ZBTB26: variants seen among roughly 807,000 people sequenced by gnomAD.
ZBTB26 encodes the protein zinc finger and BTB domain containing 26.
In ZBTB26, 12 loss-of-function variants were observed where a neutral mutation model predicts 31.6. That is an observed-to-expected ratio of 0.38 (90% CI 0.24 to 0.61). The LOEUF is 0.61. ZBTB26 is among the 20% of genes least tolerant of loss of function. The pLI is 0.60. For missense variants in ZBTB26, 311 were observed against 521.9 expected (o/e 0.60, Z 3.94); for synonymous variants, 155 against 182.9 (o/e 0.85, Z 1.23).
At chr9:122,922,781 A>C (rs888094792) in intron 1 of ZBTB26, among the ~76,000 whole-genome samples, 2 of 152,256 alleles carry the variant, frequency 1.3e-5, no homozygotes, top group African/African-American at 2.4e-5. Flanking sequence ...AGACGAAAGG[A>C]AAAATAACAA....
chr9:122,919,619 C>T lies in ZBTB26; in HGVS notation c.316G>A (p.Ala106Thr), dbSNP rs1049129502. The change falls in exon 2 of 2, where the codon GCT becomes ACT. Residue 106 changes from alanine (A) to threonine (T), a missense_variant. Physicochemically the swap from Ala to Thr is moderately conservative, Grantham distance 58 (BLOSUM62 0). Transcript: ENST00000373656. This position sits in a 1 kb window ranked among gnomAD's most constrained non-coding sequence, Gnocchi z 6.1. The part of the protein sequence containing the change: ...PEMELVNYLT[A>T]ASFLQMSHIV... ...TGGCTCATCTGAAGAAAACTTGCAG[C>T]AGTCAAGTAATTTACCAGTTCCATC... is the stretch of plus-strand genomic sequence containing the variant. 1.2e-6 allele frequency: 2 copies of T among 1,614,080 alleles called. No homozygotes were observed. Among genetic ancestry groups the T allele is most frequent in the South Asian group, 1.1e-5 (1 of 91,080 alleles).
At chr9:122,920,623 A>G (rs796732496) in intron 1 of ZBTB26, among the ~76,000 whole-genome samples, 3 of 152,366 alleles carry the variant, frequency 2.0e-5, no homozygotes, top group African/African-American at 7.2e-5. Flanking sequence ...AAAGTCACAG[A>G]ACTAACGGGA....
At chr9:122,925,649 A>C (rs911386845) in intron 1 of ZBTB26, among the ~76,000 whole-genome samples, 2 of 151,818 alleles carry the variant, frequency 1.3e-5, no homozygotes, top group Non-Finnish European at 1.5e-5. Context: ...CCCAGGCTGG[A>C]GTGCAATGGC....
chr9:122,930,169 T>G (rs1301088723), intron 1 of ZBTB26, among the ~76,000 whole-genome samples: 1 of 152,204 alleles, frequency 6.6e-6, no homozygotes, highest in Non-Finnish European at 1.5e-5. Flanking sequence ...GCTGGACAGC[T>G]CTATGTGTCT....
chr9:122,918,033 G>A lies in ZBTB26; in HGVS notation c.*576C>T, dbSNP rs1428389431. On this transcript the variant is annotated 3_prime_UTR_variant, in exon 2 of 2. Coordinates refer to ENST00000373656, the MANE Select transcript of ZBTB26 (RefSeq NM_020924.4). The stretch of plus-strand genomic sequence containing the variant: ...TGAGATGAAGTTGGGCTATGATACT[G>A]TTGAAAAGAGTACATAACAAACCAG... 2.0e-5 allele frequency: 3 copies of A among 153,722 alleles called. No individual in the cohort carries two copies. Among genetic ancestry groups the A allele is most frequent in the African/African-American group, 7.2e-5 (3 of 41,430 alleles). 9.5% of individuals were successfully genotyped at this position (153,722 alleles called of 1,614,324 possible). A position where few individuals can be genotyped will look rare whatever the true frequency, so the allele number is the denominator to read the frequency against.
intron 1 of ZBTB26, among the ~76,000 whole-genome samples, chr9:122,926,376 G>A (rs955488797): frequency 5.3e-5 from 8 of 151,880 alleles, no homozygotes; most frequent in Middle Eastern, 3.2e-3. Flanking sequence ...GAGTGGTGGC[G>A]GGCACCTGTA....
Position 122,918,549 on chromosome 9 carries a change from A to G in ZBTB26, c.*60T>C. On this transcript the variant is annotated 3_prime_UTR_variant, in exon 2 of 2. Coordinates refer to ENST00000373656, the MANE Select transcript of ZBTB26 (RefSeq NM_020924.4). Reference sequence around the variant, plus strand: ...GTCAAACTAGCAAAATCACTCCTAAAAAGACTAAGACTATTGCCACATTGT... The same window carrying G: ...GTCAAACTAGCAAAATCACTCCTAAGAAGACTAAGACTATTGCCACATTGT... 1 of 1,550,186 alleles carries G rather than the reference A, an allele frequency of 6.5e-7. No individual in the cohort carries two copies. The highest frequency in any genetic ancestry group is 8.7e-7 in the Non-Finnish European group (1 of 1,152,696).
chr9:122,923,183 CAAAAAAAAAAAAG>C (rs1284180517), intron 1 of ZBTB26, among the ~76,000 whole-genome samples: 1 of 116,402 alleles, frequency 8.6e-6, no homozygotes, highest in East Asian at 3.0e-4. Flanking sequence ...GACTCCATCT[CAAAAAAAAAAAAG>C]AAAAAAAAAA....
At chr9:122,926,319 G>A (rs1003705852) in intron 1 of ZBTB26, among the ~76,000 whole-genome samples, 9 of 151,972 alleles carry the variant, frequency 5.9e-5, no homozygotes, top group East Asian at 3.9e-4. Context: ...TCGAGACCAC[G>A]GTGAAACCCC....
chr9:122,919,301 G>A lies in ZBTB26; in HGVS notation c.634C>T (p.His212Tyr). The change falls in exon 2 of 2, where the codon CAT becomes TAT. Residue 212 changes from histidine to tyrosine, a missense_variant. By Grantham distance (83) the His-to-Tyr change is moderately conservative (BLOSUM62 2). Coordinates refer to ENST00000373656, the MANE Select transcript of ZBTB26 (RefSeq NM_020924.4). This position sits in a 1 kb window ranked among gnomAD's most constrained non-coding sequence, Gnocchi z 6.1. ...QFISSEPTALHSSEPQHSLIN... is the reference protein window; with the variant it reads ...QFISSEPTALYSSEPQHSLIN... ...AGGGAGTGCTGGGGCTCTGATGAAT[G>A]TAAAGCAGTGGGTTCAGAAGAAATA... 6.2e-7 allele frequency: 1 copy of A among 1,614,186 alleles called. No individual in the cohort carries two copies. The highest frequency in any genetic ancestry group is 8.5e-7 in the Non-Finnish European group (1 of 1,180,032).
Position 122,925,562 on chromosome 9 carries a change from C to T in ZBTB26, c.-10-5618G>A, listed in dbSNP as rs115226227. Among the ~76,000 whole-genome samples, 221 of 152,070 alleles carry T rather than the reference C, an allele frequency of 1.5e-3. 2 individuals are homozygous for T. The highest frequency in any genetic ancestry group is 4.8e-3 in the African/African-American group (201 of 41,494). ...ACTGGTGGTTTACACTGCATGATGC[C>T]AAAATCCAGGTATGAAACAACTAAT... On this transcript the variant is annotated intron_variant, in intron 1 of 1. Transcript: ENST00000373656.
chr9:122,920,182 T>C (rs1039901980), intron 1 of ZBTB26, among the ~76,000 whole-genome samples: 3 of 152,218 alleles, frequency 2.0e-5, no homozygotes, highest in Admixed American at 2.0e-4. Context: ...TGTAAATAGC[T>C]TGGCATTCGT....
At chr9:122,929,210 T>G (rs1365671784) in intron 1 of ZBTB26, among the ~76,000 whole-genome samples, 2 of 152,158 alleles carry the variant, frequency 1.3e-5, no homozygotes, top group African/African-American at 4.8e-5. Flanking sequence ...TGATTACAGA[T>G]GGTAAGTGAT....
rs1165026034 is a variant in ZBTB26, at chr9:122,931,442, C to T, written c.-16G>A. The T allele has an allele frequency of 6.6e-6, 1 of 152,642 alleles. No individual in the cohort carries two copies. The highest frequency in any genetic ancestry group is 1.9e-4 in the East Asian group (1 of 5,186). The allele number at this position is 152,642 out of a possible 1,614,324, so 9.5% of individuals were successfully genotyped here. The stretch of plus-strand genomic sequence containing the variant: ...CCGGCCGTCTCCGCACTTACAGACC[C>T]GGGGGAAGGCCGCCGTCAGGATCCG... On this transcript the variant is annotated 5_prime_UTR_variant, in exon 1 of 2. Transcript: ENST00000373656.
chr9:122,925,133 G>A (rs1312031598), intron 1 of ZBTB26, among the ~76,000 whole-genome samples: 3 of 152,000 alleles, frequency 2.0e-5, no homozygotes, highest in Non-Finnish European at 2.9e-5. Flanking sequence ...AGCACTTTGG[G>A]AGGCTGAAGT....
intron 1 of ZBTB26, among the ~76,000 whole-genome samples, chr9:122,923,108 C>T (rs1229537956): frequency 6.8e-6 from 1 of 146,460 alleles, no homozygotes; most frequent in Non-Finnish European, 1.5e-5. Context: ...TGTTTGAACC[C>T]GGGAGGTGGA....
At position 122,915,958 on chromosome 9, in the gene ZBTB26, G is replaced by T. The variant is rs1029236737; in HGVS notation, c.*2651C>A. 2.2e-4 allele frequency: 34 copies of T among 152,146 alleles called. No individual in the cohort carries two copies. Among genetic ancestry groups the T allele is most frequent in the African/African-American group, 7.2e-4 (30 of 41,424 alleles). 9.4% of individuals were successfully genotyped at this position (152,146 alleles called of 1,614,324 possible). ...GTTTTAAAAATCTTCCTCCTCTACAGAAATATGACTAGTTTTGAAAGTCAT... is the reference window on the plus strand; with the variant it reads ...GTTTTAAAAATCTTCCTCCTCTACATAAATATGACTAGTTTTGAAAGTCAT... On this transcript the variant is annotated 3_prime_UTR_variant, in exon 2 of 2. Coordinates refer to ENST00000373656, the MANE Select transcript of ZBTB26 (RefSeq NM_020924.4).
chr9:122,927,838 T>A (rs1318214233), intron 1 of ZBTB26, among the ~76,000 whole-genome samples: 2 of 152,090 alleles, frequency 1.3e-5, no homozygotes, highest in Non-Finnish European at 2.9e-5. Context: ...ATTTATATAT[T>A]TATTTATTAT....
At chr9:122,929,402 C>T (rs1833232624) in intron 1 of ZBTB26, among the ~76,000 whole-genome samples, 1 of 152,120 alleles carries the variant, frequency 6.6e-6, no homozygotes, top group Non-Finnish European at 1.5e-5. Context: ...AAATGTTTCC[C>T]ACTCCTTTGG....
Sources: allele counts gnomAD v4.1 joint callset (sites outside exome capture counted in the v4.1 genomes callset), GRCh38; gene constraint gnomAD v4.1.1; non-coding constraint Gnocchi (gnomAD v3.1); transcripts MANE v1.5; gene names NCBI Gene and HGNC (gene_info 2026-07-23, HGNC 2026-07-21).